MMAB: variants seen among roughly 807,000 people sequenced by gnomAD.
The protein encoded by MMAB is metabolism of cobalamin associated B.
In MMAB, 17 loss-of-function variants were observed where a neutral mutation model predicts 30.6. That is an observed-to-expected ratio of 0.56 (90% CI 0.38 to 0.83). MMAB has a LOEUF of 0.83. Ranked by LOEUF, MMAB falls within the 40% of genes least tolerant of loss-of-function variation. MMAB has a pLI of 0.00. For missense variants in MMAB, 311 were observed against 331.6 expected (o/e 0.94, Z 0.48); for synonymous variants, 134 against 138.6 (o/e 0.97, Z 0.23).
intron 4 of MMAB, among the ~76,000 whole-genome samples, chr12:109,564,014 G>A (rs1215268859): frequency 3.3e-5 from 5 of 152,224 alleles, no homozygotes; most frequent in African/African-American, 1.2e-4. Flanking sequence ...ACACTGTGAC[G>A]CATGAGTCCC....
At chr12:109,563,393 C>T (rs1344602934) in intron 4 of MMAB, among the ~76,000 whole-genome samples, 1 of 152,222 alleles carries the variant, frequency 6.6e-6, no homozygotes, top group Non-Finnish European at 1.5e-5. Flanking sequence ...ATGAGGAAAG[C>T]AGTGGCATTG....
chr12:109,561,119 G>T lies in MMAB; in HGVS notation c.520-15C>A. 6.2e-7 allele frequency: 1 copy of T among 1,608,840 alleles called. No homozygotes were observed. ...TTGCCTCCCGACTGAAAGGAGAAAGGGACATTGCCTGAGCAGGGTGGGAAA... is the reference window on the plus strand; with the variant it reads ...TTGCCTCCCGACTGAAAGGAGAAAGTGACATTGCCTGAGCAGGGTGGGAAA... On this transcript the variant is annotated splice_polypyrimidine_tract_variant and intron_variant, in intron 6 of 8. Coordinates refer to ENST00000545712, the MANE Select transcript of MMAB (RefSeq NM_052845.4). This position sits in a 1 kb window ranked among gnomAD's most constrained non-coding sequence, Gnocchi z 5.3.
Position 109,561,342 on chromosome 12 carries a change from G to A in MMAB, c.519+78C>T, listed in dbSNP as rs752248289. ...ACAGCGTCTGTCACTGTGAAAAGAGGGATTTATTCAGAGCCCATGTGTGTC... is the reference window on the plus strand; with the variant it reads ...ACAGCGTCTGTCACTGTGAAAAGAGAGATTTATTCAGAGCCCATGTGTGTC... On this transcript the variant is annotated intron_variant, in intron 6 of 8. Coordinates refer to ENST00000545712, the MANE Select transcript of MMAB (RefSeq NM_052845.4). The surrounding 1 kb of genome is among the most constrained non-coding windows in gnomAD (Gnocchi z 5.3). 11 of 1,541,684 alleles carry A rather than the reference G, an allele frequency of 7.1e-6. No homozygotes were observed. Among genetic ancestry groups the A allele is most frequent in the South Asian group, 1.2e-5 (1 of 84,102 alleles).
rs1391604021 is a variant in MMAB, at chr12:109,555,097, T to C, written c.*1931A>G. The C allele has an allele frequency of 6.6e-6, 3 of 453,906 alleles. No individual in the cohort carries two copies. The highest frequency in any genetic ancestry group is 4.7e-5 in the Admixed American group (2 of 42,532). 28.1% of individuals were successfully genotyped at this position (453,906 alleles called of 1,614,324 possible). ...TTGTATTTACTCAAAAAGCTTTCCTTATCCTTTGGAGGCTGTGCTTTCCCA... is the reference window on the plus strand; with the variant it reads ...TTGTATTTACTCAAAAAGCTTTCCTCATCCTTTGGAGGCTGTGCTTTCCCA... On this transcript the variant is annotated 3_prime_UTR_variant, in exon 9 of 9. Coordinates refer to ENST00000545712, the MANE Select transcript of MMAB (RefSeq NM_052845.4).
At chr12:109,570,081 G>T in intron 2 of MMAB, 1 of 314,980 alleles carries the variant, frequency 3.2e-6, no homozygotes, top group Non-Finnish European at 6.5e-6. Flanking sequence ...GGCCAACATG[G>T]CAAATCCCCG....
chr12:109,563,945 G>A (rs1311138261), intron 4 of MMAB, among the ~76,000 whole-genome samples: 3 of 152,342 alleles, frequency 2.0e-5, no homozygotes, highest in South Asian at 2.1e-4. Flanking sequence ...CCCTGTCTCC[G>A]TGCTTGAAGT....
intron 2 of MMAB, among the ~76,000 whole-genome samples, chr12:109,571,376 G>A (rs560790794): frequency 1.3e-5 from 2 of 152,034 alleles, no homozygotes; most frequent in African/African-American, 4.8e-5. Context: ...AGCCTCCCAA[G>A]TAGCTGCTGG....
chr12:109,558,795 C>T lies in MMAB; in HGVS notation c.644+301G>A, dbSNP rs1003981943. The stretch of plus-strand genomic sequence containing the variant: ...CCCCTGAGCACCCAGCCTCTAAGAA[C>T]GCCCTTTGCCCCCGCAATGCCACTT... On this transcript the variant is annotated intron_variant, in intron 8 of 8. Transcript: ENST00000545712. The surrounding 1 kb of genome is among the most constrained non-coding windows in gnomAD (Gnocchi z 4.3). Among the ~76,000 whole-genome samples, 1 of 151,910 alleles carries T rather than the reference C, an allele frequency of 6.6e-6. No homozygotes were observed. Among genetic ancestry groups the T allele is most frequent in the Non-Finnish European group, 1.5e-5 (1 of 67,964 alleles).
chr12:109,571,507 C>T, intron 2 of MMAB, 142 bp downstream of exon 2: 1 of 750,458 alleles, frequency 1.3e-6, no homozygotes, highest in Non-Finnish European at 2.3e-6. Flanking sequence ...CCAACAGGGC[C>T]TCCCAAAGTG....
At chr12:109,565,240 A>G in intron 3 of MMAB, 64 bp from the exon 4 acceptor site, 1 of 1,258,790 alleles carries the variant, frequency 7.9e-7, no homozygotes, top group Non-Finnish European at 1.2e-6. Flanking sequence ...GTCTTGCCAT[A>G]AACAATAGAT....
intron 1 of MMAB, 51 bp from the exon 2 acceptor site, chr12:109,571,761 A>AG: frequency 6.6e-7 from 1 of 1,504,478 alleles, no homozygotes; most frequent in African/African-American, 1.4e-5. Context: ...GCTTACACAG[A>AG]GGGTCAGCTC....
Position 109,573,347 on chromosome 12 carries a change from C to A in MMAB, c.134G>T (p.Arg45Met), listed in dbSNP as rs780742465. The change falls in exon 1 of 9, where the codon AGG becomes ATG. Residue 45 changes from arginine to methionine, a missense_variant and splice_region_variant. Arg to Met is a moderately conservative substitution (Grantham distance 91). Coordinates refer to ENST00000545712, the MANE Select transcript of MMAB (RefSeq NM_052845.4). ...GTTGCCCTTCCCGCCAGCCACTCACCTGTCCCCGTCTTCCACGCCCTGAGG... is the reference window on the plus strand; with the variant it reads ...GTTGCCCTTCCCGCCAGCCACTCACATGTCCCCGTCTTCCACGCCCTGAGG... ...RGPQGVEDGD[R>M]PQPSSKTPRI... 1 of 1,613,306 alleles carries A rather than the reference C, an allele frequency of 6.2e-7. No homozygotes were observed. The highest frequency in any genetic ancestry group is 8.5e-7 in the Non-Finnish European group (1 of 1,179,880).
rs1363277022 is a variant in MMAB at position 109,553,757 on chromosome 12, AT to A, written c.*3270del. On this transcript the variant is annotated 3_prime_UTR_variant, in exon 9 of 9. Transcript: ENST00000545712. ...CGGAATTTATTATACAAAGAATTTT[AT>A]TCAATTAAACTTGAAATGCATCTGG... The A allele has an allele frequency of 1.2e-5, 5 of 420,870 alleles. No individual in the cohort carries two copies. The highest frequency in any genetic ancestry group is 2.1e-5 in the African/African-American group (1 of 48,720). 26.1% of individuals were successfully genotyped at this position (420,870 alleles called of 1,614,324 possible). A position where few individuals can be genotyped will look rare whatever the true frequency, so the allele number is the denominator to read the frequency against.
At position 109,570,873 on chromosome 12, in the gene MMAB, C is replaced by CAAAAAAAA. The variant is rs111235348; in HGVS notation, c.196+768_196+775dup. Among the ~76,000 whole-genome samples the CAAAAAAAA allele has an allele frequency of 4.7e-3, 438 of 92,310 alleles. 16 individuals carry two copies. The highest frequency in any genetic ancestry group is 0.016 in the African/African-American group (409 of 25,392). The allele number at this position is 92,310 out of a possible 152,430, so 60.6% of individuals were successfully genotyped here. On this transcript the variant is annotated intron_variant, in intron 2 of 8. Transcript: ENST00000545712. Reference sequence around the variant, plus strand: ...TGGGTGACAGAGTAAAACCCTGTATCAAAAAAAAAAAAAAAAAAGGATCAT... The same window carrying CAAAAAAAA: ...TGGGTGACAGAGTAAAACCCTGTATCAAAAAAAAAAAAAAAAAAAAAAAAAAGGATCAT...
intron 3 of MMAB, 82 bp from the exon 4 acceptor site, chr12:109,565,258 T>A: frequency 9.5e-7 from 1 of 1,054,812 alleles, no homozygotes. Context: ...GATTCTCAGG[T>A]GGCAGGCCAT....
At chr12:109,568,740 C>T in intron 3 of MMAB, 30 bp downstream of exon 3, 1 of 1,561,600 alleles carries the variant, frequency 6.4e-7, no homozygotes, top group Non-Finnish European at 8.8e-7. Flanking sequence ...GACTCAAACG[C>T]AACCTCAAGG....
At chr12:109,560,245 C>T (rs749313427) in intron 7 of MMAB, among the ~76,000 whole-genome samples, 4 of 152,146 alleles carry the variant, frequency 2.6e-5, no homozygotes, top group Admixed American at 6.5e-5. Context: ...CCCAGACAGA[C>T]GTGGACTCCA....
intron 4 of MMAB, among the ~76,000 whole-genome samples, chr12:109,562,964 G>A (rs1884267803): frequency 6.6e-6 from 1 of 152,198 alleles, no homozygotes; most frequent in South Asian, 2.1e-4. Context: ...GCTGGATGGT[G>A]GGCTACCAGG....
chr12:109,565,037 A>G (rs974097280), intron 4 of MMAB, 82 bp downstream of exon 4: 21 of 1,037,032 alleles, frequency 2.0e-5, no homozygotes, highest in Non-Finnish European at 2.9e-5. Context: ...TGACACAAAG[A>G]GTAACTGGTG....
Sources: gnomAD v4.1 joint callset for allele counts (sites outside exome capture counted in the v4.1 genomes callset) on GRCh38, gnomAD v4.1.1 for gene constraint, Gnocchi (gnomAD v3.1) non-coding constraint, MANE v1.5 for transcripts, NCBI Gene and HGNC (gene_info 2026-07-23, HGNC 2026-07-21) for gene names.